The following NRG3 variants were observed in gnomAD, a reference collection of about 807,000 sequenced individuals.
The protein encoded by NRG3 is pro-neuregulin-3, membrane-bound isoform.
A neutral mutation model predicts 66.9 loss-of-function variants in NRG3; 31 were observed. The observed-to-expected ratio is 0.46, with a 90% CI of 0.35 to 0.63. The LOEUF (loss-of-function observed/expected upper bound fraction) is 0.63. NRG3 is among the 20% of genes least tolerant of loss of function. NRG3 has a pLI of 0.00. For synonymous variants in NRG3, 393 were observed against 359.4 expected (o/e 1.09, Z -1.06); for missense variants, 910 against 878.9 (o/e 1.04, Z -0.45).
intron 2 of NRG3, among the ~76,000 whole-genome samples, chr10:82,493,922 G>A (rs1843387744): frequency 6.6e-6 from 1 of 152,008 alleles, no homozygotes; most frequent in South Asian, 2.1e-4. Flanking sequence ...TTAAAAAGTG[G>A]GCAAAAGACA....
intron 6 of NRG3, among the ~76,000 whole-genome samples, chr10:82,972,935 G>A: frequency 6.6e-6 from 1 of 152,072 alleles, no homozygotes; most frequent in Non-Finnish European, 1.5e-5. Flanking sequence ...AAAATCTGTA[G>A]CTTGACACAT....
At position 81,891,486 on chromosome 10, in the gene NRG3, C is replaced by T. The variant is rs542483537; in HGVS notation, c.823+15323C>T. ...TACCACTTCCACTTAGATGCTCTGC[C>T]ATGTTGCAAACTGAACAGAAGACCC... On this transcript the variant is annotated intron_variant, in intron 1 of 8. Coordinates refer to ENST00000372141, the MANE Select transcript of NRG3 (RefSeq NM_001010848.4). 1.3e-4 allele frequency among the ~76,000 whole-genome samples: 20 copies of T among 152,234 alleles called. No individual in the cohort carries two copies. In the South Asian group the frequency reaches 3.9e-3, roughly 30 times the overall value.
In NRG3 at chr10:82,243,443, T is replaced by C. The variant is rs73304656; in HGVS notation, c.824-115296T>C. Among the ~76,000 whole-genome samples the C allele has an allele frequency of 5.1e-3, 778 of 152,072 alleles. 10 individuals are homozygous for C. The highest frequency in any genetic ancestry group is 0.018 in the African/African-American group (753 of 41,480). On this transcript the variant is annotated intron_variant, in intron 1 of 8. Coordinates refer to ENST00000372141, the MANE Select transcript of NRG3 (RefSeq NM_001010848.4). ...AAGTGCCCCACCACAATTTAAAATT[T>C]TAAAAAGACAAGCTGAAGGCACATA...
At chr10:81,897,609 G>T (rs1197062914) in intron 1 of NRG3, among the ~76,000 whole-genome samples, 1 of 152,038 alleles carries the variant, frequency 6.6e-6, no homozygotes, top group South Asian at 2.1e-4. Flanking sequence ...ATTGGGTGGG[G>T]GGATGGGGCG....
At chr10:82,281,358 A>C (rs1401142653) in intron 1 of NRG3, among the ~76,000 whole-genome samples, 1 of 152,142 alleles carries the variant, frequency 6.6e-6, no homozygotes, top group Non-Finnish European at 1.5e-5. Context: ...ATAGGAACTT[A>C]CTAGAACAAC....
rs144675061 is a variant in NRG3 at position 82,750,237 on chromosome 10, C to T, written c.1027+11587C>T. 3.6e-3 allele frequency among the ~76,000 whole-genome samples: 553 copies of T among 152,282 alleles called. 4 individuals are homozygous for T. Among genetic ancestry groups the T allele is most frequent in the African/African-American group, 0.013 (524 of 41,574 alleles). On this transcript the variant is annotated intron_variant, in intron 3 of 8. Transcript: ENST00000372141. ...GTAACACGCCCATGATCCTCCTTTT[C>T]CTGAGACAGCTATTTTCATAGAATA...
chr10:82,882,813 C>A (rs1047031277), intron 4 of NRG3, among the ~76,000 whole-genome samples: 10 of 152,008 alleles, frequency 6.6e-5, no homozygotes, highest in African/African-American at 2.4e-4. Context: ...GTGTTATCTT[C>A]TCAATACTGC....
intron 1 of NRG3, among the ~76,000 whole-genome samples, chr10:82,128,495 T>C (rs985931445): frequency 6.6e-6 from 1 of 152,004 alleles, no homozygotes; most frequent in African/African-American, 2.4e-5. Flanking sequence ...AGAAAACCAT[T>C]TAGAGGTTAG....
In NRG3 at chr10:82,985,590, T is replaced by C; in HGVS notation, c.2076T>C (p.Ser692=). ...TAAGAAATGAAATACAAAGAGACTC[T>C]GCATTGACCAAGTGACTTGAGATGT... The part of the protein sequence containing the change: ...FVLRNEIQRD[S]ALTK Residue 692 remains serine, a synonymous_variant, in exon 9 of 9, where the codon TCT becomes TCC. Coordinates refer to ENST00000372141, the MANE Select transcript of NRG3 (RefSeq NM_001010848.4). 1 of 1,611,804 alleles carries C rather than the reference T, an allele frequency of 6.2e-7. No individual in the cohort carries two copies. Among genetic ancestry groups the C allele is most frequent in the Non-Finnish European group, 8.5e-7 (1 of 1,179,822 alleles).
intron 2 of NRG3, among the ~76,000 whole-genome samples, chr10:82,693,060 G>T (rs1307000058): frequency 1.3e-5 from 2 of 152,100 alleles, no homozygotes; most frequent in East Asian, 3.9e-4. Flanking sequence ...GGTTGCCTCT[G>T]CCCACTCCTG....
intron 4 of NRG3, among the ~76,000 whole-genome samples, chr10:82,912,930 T>C (rs555494550): frequency 6.6e-6 from 1 of 152,292 alleles, no homozygotes; most frequent in South Asian, 2.1e-4. Context: ...AGATAACTTA[T>C]AAAAAGTACT....
intron 1 of NRG3, among the ~76,000 whole-genome samples, chr10:82,357,855 G>A (rs1431061900): frequency 6.6e-6 from 1 of 152,158 alleles, no homozygotes; most frequent in Non-Finnish European, 1.5e-5. Context: ...CTAAATCTCT[G>A]TAAAGGAAAT....
chr10:82,075,542 A>T (rs909133924), intron 1 of NRG3, among the ~76,000 whole-genome samples: 2 of 152,232 alleles, frequency 1.3e-5, no homozygotes, highest in Non-Finnish European at 2.9e-5. Flanking sequence ...GGTGTGCTTC[A>T]TCATGTAATA....
intron 1 of NRG3, among the ~76,000 whole-genome samples, chr10:81,939,843 A>G (rs1049508281): frequency 6.6e-6 from 1 of 150,782 alleles, no homozygotes; most frequent in Non-Finnish European, 1.5e-5. Flanking sequence ...TTCTTTTTCC[A>G]GTTCCTTGAT....
intron 1 of NRG3, among the ~76,000 whole-genome samples, chr10:82,063,222 CACTA>C (rs796184211): frequency 1.9e-4 from 29 of 152,102 alleles, no homozygotes; most frequent in Middle Eastern, 3.4e-3. Flanking sequence ...ATTTTTATGT[CACTA>C]ACTATCACTG....
intron 1 of NRG3, among the ~76,000 whole-genome samples, chr10:82,255,760 C>T (rs1215616603): frequency 6.6e-6 from 1 of 150,944 alleles, no homozygotes; most frequent in Non-Finnish European, 1.5e-5. Flanking sequence ...GCATCAACCA[C>T]ACCTGGCTAA....
intron 3 of NRG3, among the ~76,000 whole-genome samples, chr10:82,810,692 G>A (rs2061454196): frequency 1.4e-5 from 2 of 147,586 alleles, no homozygotes; most frequent in African/African-American, 5.0e-5. Flanking sequence ...GAACCCGGGA[G>A]ACGGAAGTTG....
At chr10:82,413,138 T>G (rs1374310065) in intron 2 of NRG3, among the ~76,000 whole-genome samples, 1 of 152,214 alleles carries the variant, frequency 6.6e-6, no homozygotes, top group Non-Finnish European at 1.5e-5. Flanking sequence ...AGGTTTTCAA[T>G]TTACATTGCC....
chr10:81,919,489 G>T (rs886426663), intron 1 of NRG3, among the ~76,000 whole-genome samples: 2 of 151,290 alleles, frequency 1.3e-5, no homozygotes, highest in African/African-American at 2.4e-5. Context: ...ACATTGCCTG[G>T]GGTGTTATTT....
Sources: allele counts gnomAD v4.1 joint callset (sites outside exome capture counted in the v4.1 genomes callset), GRCh38; gene constraint gnomAD v4.1.1; transcripts MANE v1.5; gene names NCBI Gene and HGNC (gene_info 2026-07-23, HGNC 2026-07-21).